FYCO1: variants seen among roughly 807,000 people sequenced by gnomAD.
FYCO1 encodes the protein FYVE and coiled-coil domain-containing protein 1.
FYCO1 carries 122 observed loss-of-function variants against 165.1 expected under a neutral mutation model. The observed-to-expected ratio is 0.74, with a 90% confidence interval of 0.64 to 0.86. The LOEUF is 0.86. Among genes scored for constraint, FYCO1 ranks in the 40% least tolerant of loss-of-function variants. FYCO1 has a pLI of 0.00. For synonymous variants in FYCO1, 648 were observed against 742.5 expected (o/e 0.87, Z 2.07); for missense variants, 1,702 against 1,810.3 (o/e 0.94, Z 1.09).
intron 15 of FYCO1, 99 bp downstream of exon 15, chr3:45,936,349 T>A: frequency 1.3e-6 from 1 of 792,282 alleles, no homozygotes; most frequent in Non-Finnish European, 2.3e-6. Context: ...TGGTATTAAG[T>A]TAGAGCCCCC....
intron 14 of FYCO1, chr3:45,945,211 T>C (rs557703664): frequency 1.3e-5 from 2 of 152,376 alleles, no homozygotes; most frequent in African/African-American, 4.8e-5. Context: ...TGCACTTGTC[T>C]GGTCAGGCAA....
At chr3:45,983,182 C>G (rs186506526) in intron 2 of FYCO1, among the ~76,000 whole-genome samples, 8 of 152,160 alleles carry the variant, frequency 5.3e-5, no homozygotes, top group Non-Finnish European at 1.2e-4. Context: ...AGGGACTTGT[C>G]CAACATTTTC....
chr3:45,921,711 G>T lies in FYCO1; in HGVS notation c.*54C>A. The T allele has an allele frequency of 8.5e-7, 1 of 1,170,776 alleles. No homozygotes were observed. The highest frequency in any genetic ancestry group is 1.3e-6 in the Non-Finnish European group (1 of 774,904). The allele number at this position is 1,170,776 out of a possible 1,614,324, so 72.5% of individuals were successfully genotyped here. ...TTTAAAAAAATGCTTTATGTGACAG[G>T]TGAGGAAGAGCAGTGTTTCCTGTGG... is the stretch of plus-strand genomic sequence containing the variant. On this transcript the variant is annotated 3_prime_UTR_variant, in exon 18 of 18. Transcript: ENST00000296137.
chr3:45,952,297 T>C (rs1228767247), intron 14 of FYCO1, among the ~76,000 whole-genome samples: 1 of 152,182 alleles, frequency 6.6e-6, no homozygotes, highest in Non-Finnish European at 1.5e-5. Flanking sequence ...TTGCTTATTT[T>C]TTCCCGAAGT....
intron 4 of FYCO1, among the ~76,000 whole-genome samples, chr3:45,979,400 C>T (rs1157972606): frequency 6.6e-6 from 1 of 152,218 alleles, no homozygotes; most frequent in Non-Finnish European, 1.5e-5. Context: ...TGCTTTACAT[C>T]TCAAGGGCTG....
chr3:45,950,915 A>G (rs1267819343), intron 14 of FYCO1, among the ~76,000 whole-genome samples: 3 of 152,090 alleles, frequency 2.0e-5, no homozygotes, highest in Admixed American at 6.6e-5. Flanking sequence ...TCCTGTTCTC[A>G]TTTTGTTTCT....
intron 14 of FYCO1, chr3:45,947,058 G>C: frequency 1.2e-6 from 2 of 1,614,168 alleles, no homozygotes; most frequent in Non-Finnish European, 1.7e-6. Context: ...TGTGGTTCTT[G>C]CCACCCAGAT....
intron 15 of FYCO1, among the ~76,000 whole-genome samples, chr3:45,935,705 T>A (rs985898525): frequency 3.3e-5 from 5 of 152,266 alleles, no homozygotes; most frequent in Non-Finnish European, 7.3e-5. Context: ...GTAACATTTA[T>A]ACAATATTGA....
intron 11 of FYCO1, among the ~76,000 whole-genome samples, chr3:45,961,714 G>A (rs922255218): frequency 6.6e-6 from 1 of 152,202 alleles, no homozygotes; most frequent in Non-Finnish European, 1.5e-5. Context: ...AAGCAGGTGG[G>A]TCTACAGATG....
At position 45,919,819 on chromosome 3, in the gene FYCO1, T is replaced by A. The variant is rs931484383; in HGVS notation, c.*1946A>T. 1 of 152,182 alleles carries A rather than the reference T, an allele frequency of 6.6e-6. No individual in the cohort carries two copies. Among genetic ancestry groups the A allele is most frequent in the Non-Finnish European group, 1.5e-5 (1 of 68,018 alleles). 9.4% of individuals were successfully genotyped at this position (152,182 alleles called of 1,614,324 possible). A position where few individuals can be genotyped will look rare whatever the true frequency, so the allele number is the denominator to read the frequency against. On this transcript the variant is annotated 3_prime_UTR_variant, in exon 18 of 18. Transcript: ENST00000296137. ...GCAAGTGGCTGGATGGATTCAAAGT[T>A]AGCATGATTTGTTCTGAATCATCTC... is the stretch of plus-strand genomic sequence containing the variant.
intron 14 of FYCO1, among the ~76,000 whole-genome samples, chr3:45,949,044 C>A (rs1445085240): frequency 6.6e-6 from 1 of 152,166 alleles, no homozygotes; most frequent in Non-Finnish European, 1.5e-5. Flanking sequence ...CATGTCAGCT[C>A]CGTGGGTTAG....
At chr3:45,928,374 G>A (rs532823590) in intron 16 of FYCO1, among the ~76,000 whole-genome samples, 1 of 152,336 alleles carries the variant, frequency 6.6e-6, no homozygotes, top group Admixed American at 6.5e-5. Context: ...AGAGAGGACA[G>A]AGTCTGGATC....
intron 14 of FYCO1, among the ~76,000 whole-genome samples, chr3:45,940,563 G>A (rs747717867): frequency 1.9e-4 from 29 of 152,230 alleles, no homozygotes; most frequent in Admixed American, 7.2e-4. Flanking sequence ...GGGAAGAGTC[G>A]GGGGAGAAGA....
chr3:45,982,284 C>G (rs1414415132), intron 2 of FYCO1, among the ~76,000 whole-genome samples: 1 of 151,920 alleles, frequency 6.6e-6, no homozygotes, highest in African/African-American at 2.4e-5. Context: ...TTATAATATA[C>G]ATTACAGTTT....
chr3:45,933,736 A>C (rs1575331649), intron 15 of FYCO1, among the ~76,000 whole-genome samples: 1 of 152,114 alleles, frequency 6.6e-6, no homozygotes, highest in Non-Finnish European at 1.5e-5. Flanking sequence ...ATAATAAAAA[A>C]CCACTCGTTA....
chr3:45,974,386 G>A (rs1559463935), intron 5 of FYCO1, among the ~76,000 whole-genome samples: 1 of 152,198 alleles, frequency 6.6e-6, no homozygotes, highest in Non-Finnish European at 1.5e-5. Flanking sequence ...TGAACTGTGC[G>A]ATCTTCACCA....
chr3:45,980,574 CA>C (rs901298210), intron 3 of FYCO1, among the ~76,000 whole-genome samples: 63 of 152,188 alleles, frequency 4.1e-4, no homozygotes, highest in Admixed American at 5.2e-4. Flanking sequence ...AAGAAAGGCT[CA>C]AAAACATTTT....
In FYCO1 at chr3:45,962,558, C is replaced by T. The variant is rs193122168; in HGVS notation, c.3270-166G>A. ...CAGTCCCCTAGCTTTTGAGACTCTC[C>T]TCTCACCCCCACATACAAAGGGGCA... On this transcript the variant is annotated intron_variant, in intron 10 of 17. Transcript: ENST00000296137. The surrounding 1 kb of genome is among the most constrained non-coding windows in gnomAD (Gnocchi z 4.4). Among the ~76,000 whole-genome samples the T allele has an allele frequency of 9.9e-5, 15 of 152,258 alleles. No homozygotes were observed. The highest frequency in any genetic ancestry group is 3.1e-4 in the African/African-American group (13 of 41,556).
intron 2 of FYCO1, among the ~76,000 whole-genome samples, chr3:45,982,728 C>T (rs1486741277): frequency 6.6e-6 from 1 of 152,214 alleles, no homozygotes; most frequent in East Asian, 1.9e-4. Flanking sequence ...CAGACCTGTC[C>T]AGGACTGAAG....
Sources: allele counts gnomAD v4.1 joint callset (sites outside exome capture counted in the v4.1 genomes callset), GRCh38; gene constraint gnomAD v4.1.1; non-coding constraint Gnocchi (gnomAD v3.1); transcripts MANE v1.5; gene names NCBI Gene and HGNC (gene_info 2026-07-23, HGNC 2026-07-21).